The following GALNT14 variants were observed in gnomAD, a reference collection of about 807,000 sequenced individuals.
GALNT14 encodes the protein UDP-GalNAc:polypeptide N-acetylgalactosaminyltransferase 14.
Under a neutral mutation model 77.5 loss-of-function variants are expected in GALNT14, and 60 were observed. The ratio of observed to expected loss-of-function variants is 0.77; its 90% CI spans 0.63 to 0.96. GALNT14 has a LOEUF of 0.96. Ranked by LOEUF, GALNT14 falls within the 40% of genes least tolerant of loss-of-function variation. The pLI is 0.00. For missense variants in GALNT14, 710 were observed against 731.0 expected (o/e 0.97, Z 0.33); for synonymous variants, 280 against 281.7 (o/e 0.99, Z 0.06).
chr2:31,020,379 G>A (rs1671643377), intron 1 of GALNT14, among the ~76,000 whole-genome samples: 1 of 152,118 alleles, frequency 6.6e-6, no homozygotes, highest in African/African-American at 2.4e-5. Context: ...GACACCCCAG[G>A]GAACAAATAG....
intron 1 of GALNT14, chr2:31,129,370 C>T: frequency 1.0e-6 from 1 of 985,348 alleles, no homozygotes; most frequent in Non-Finnish European, 1.2e-6. Flanking sequence ...GGGAAAAAAG[C>T]TACCTCTTAT....
the GALNT14 span, among the ~76,000 whole-genome samples, chr2:30,904,661 A>C: frequency 3.2e-4 from 49 of 152,366 alleles, no homozygotes; most frequent in East Asian, 4.1e-3. Flanking sequence ...CCCAGGCTTG[A>C]TTAGGTAAAC....
intron 1 of GALNT14, among the ~76,000 whole-genome samples, chr2:31,080,896 T>C (rs1194596247): frequency 1.3e-5 from 2 of 152,212 alleles, no homozygotes; most frequent in African/African-American, 2.4e-5. Flanking sequence ...TTCTGGCAGA[T>C]ACAGAATATA....
intron 1 of GALNT14, among the ~76,000 whole-genome samples, chr2:31,030,761 T>C (rs7570233): frequency 0.032 from 4,877 of 152,254 alleles, 266 homozygotes; most frequent in African/African-American, 0.11. Context: ...GAAATGTTTG[T>C]AGGCTTCCAG....
intron 1 of GALNT14, among the ~76,000 whole-genome samples, chr2:31,099,157 A>T (rs1406863891): frequency 1.3e-5 from 2 of 152,092 alleles, no homozygotes; most frequent in African/African-American, 4.8e-5. Flanking sequence ...TTGCAATCTG[A>T]TAGATAAAAT....
At chr2:30,887,845 C>T in the GALNT14 span, among the ~76,000 whole-genome samples, 1 of 152,120 alleles carries the variant, frequency 6.6e-6, no homozygotes, top group Non-Finnish European at 1.5e-5. Context: ...TTGGCTTTTA[C>T]TCTTAGGTCA....
intron 1 of GALNT14, among the ~76,000 whole-genome samples, chr2:31,062,717 G>A (rs60000683): frequency 0.019 from 2,958 of 151,868 alleles, 92 homozygotes; most frequent in African/African-American, 0.063. Flanking sequence ...ATCCTCTCCA[G>A]TATCTGTTGT....
At chr2:31,065,954 C>T (rs567646662) in intron 1 of GALNT14, among the ~76,000 whole-genome samples, 7 of 152,284 alleles carry the variant, frequency 4.6e-5, no homozygotes, top group African/African-American at 9.6e-5. Context: ...AACAAGAGTA[C>T]AGGCCTTCGA....
intron 9 of GALNT14, among the ~76,000 whole-genome samples, chr2:30,936,178 A>T (rs997549787): frequency 1.3e-5 from 2 of 151,860 alleles, no homozygotes; most frequent in Non-Finnish European, 2.9e-5. Context: ...CCCGCCCTCC[A>T]TTCCCCCCAC....
At chr2:31,115,354 T>C (rs1678055034) in intron 1 of GALNT14, among the ~76,000 whole-genome samples, 1 of 152,142 alleles carries the variant, frequency 6.6e-6, no homozygotes, top group South Asian at 2.1e-4. Context: ...ATTTGTAGAA[T>C]ATTTGCGGAT....
rs1553382578 is a variant in GALNT14 at position 31,130,784 on chromosome 2, GCGCGCGCA to G, written c.129+7166_129+7173del. Among the ~76,000 whole-genome samples the G allele has an allele frequency of 2.7e-3, 342 of 125,020 alleles. 7 individuals carry two copies. In the South Asian group the frequency reaches 0.039, roughly 14 times the overall value. The allele number at this position is 125,020 out of a possible 152,430, so 82.0% of individuals were successfully genotyped here. On this transcript the variant is annotated intron_variant, in intron 1 of 14. Coordinates refer to ENST00000349752, the MANE Select transcript of GALNT14 (RefSeq NM_024572.4). The stretch of plus-strand genomic sequence containing the variant: ...TGTGTGTGTGTGTGTGTGTGTGTGT[GCGCGCGCA>G]CCTGTGTGTGTGCCTGTGTGTGTAT...
At chr2:30,917,630 T>C (rs1572962080) in intron 13 of GALNT14, among the ~76,000 whole-genome samples, 2 of 152,350 alleles carry the variant, frequency 1.3e-5, no homozygotes, top group Middle Eastern at 3.4e-3. Context: ...AAGAGACTCT[T>C]TCAAGGGCCA....
intron 4 of GALNT14, among the ~76,000 whole-genome samples, chr2:30,957,528 C>T (rs916225780): frequency 7.2e-5 from 11 of 152,158 alleles, no homozygotes; most frequent in African/African-American, 1.7e-4. Flanking sequence ...CCGATCCTCA[C>T]GTTCCAGAAC....
At chr2:30,893,871 C>A in the GALNT14 span, among the ~76,000 whole-genome samples, 3 of 152,026 alleles carry the variant, frequency 2.0e-5, no homozygotes, top group African/African-American at 7.2e-5. Context: ...ATCAAACTGG[C>A]CAAAGTATTG....
intron 1 of GALNT14, among the ~76,000 whole-genome samples, chr2:31,085,255 C>T (rs548632195): frequency 1.3e-5 from 2 of 152,242 alleles, no homozygotes; most frequent in Admixed American, 6.5e-5. Context: ...TCCAGGCATT[C>T]GGAAAGGCAG....
downstream of GALNT14, among the ~76,000 whole-genome samples, chr2:30,908,291 T>C (rs1664198678): frequency 6.6e-6 from 1 of 152,226 alleles, no homozygotes; most frequent in Non-Finnish European, 1.5e-5. Context: ...GCAGATGACA[T>C]GATTGTATAT....
intron 2 of GALNT14, among the ~76,000 whole-genome samples, chr2:30,983,172 T>G (rs1042599429): frequency 6.6e-6 from 1 of 152,102 alleles, no homozygotes; most frequent in Non-Finnish European, 1.5e-5. Flanking sequence ...TAAGGGACCA[T>G]GCCTCCTGTG....
intron 1 of GALNT14, among the ~76,000 whole-genome samples, chr2:30,993,988 G>A (rs965802856): frequency 6.6e-6 from 1 of 152,318 alleles, no homozygotes; most frequent in East Asian, 1.9e-4. Context: ...TGAGAAGCTG[G>A]ACACTTAAAT....
Position 30,912,091 on chromosome 2 carries a change from C to G in GALNT14, c.1500+132G>C, listed in dbSNP as rs1029029843. On this transcript the variant is annotated intron_variant, in intron 14 of 14. Coordinates refer to ENST00000349752, the MANE Select transcript of GALNT14 (RefSeq NM_024572.4). ...GGGATCCCAGGCAGCACTTTCCCTC[C>G]CTCTCCTGACCTCTCTTATCAACTC... The G allele has an allele frequency of 6.8e-6, 8 of 1,173,644 alleles. No homozygotes were observed. The Admixed American group carries it at 1.7e-4, about 25-fold the overall frequency. 72.7% of individuals were successfully genotyped at this position (1,173,644 alleles called of 1,614,324 possible).
Sources: gnomAD v4.1 joint callset for allele counts (sites outside exome capture counted in the v4.1 genomes callset) on GRCh38, gnomAD v4.1.1 for gene constraint, MANE v1.5 for transcripts, NCBI Gene and HGNC (gene_info 2026-07-23, HGNC 2026-07-21) for gene names.